SPTA1: variants seen among roughly 807,000 people sequenced by gnomAD.
SPTA1 encodes spectrin alpha, erythrocytic 1, also known as spectrin alpha chain, erythrocytic 1.
Under a neutral mutation model 324.7 loss-of-function variants are expected in SPTA1, and 177 were observed. That is an observed-to-expected ratio of 0.55 (90% CI 0.48 to 0.62). SPTA1 has a LOEUF of 0.62. Among genes scored for constraint, SPTA1 ranks in the 20% least tolerant of loss-of-function variants. The pLI, the probability that SPTA1 is intolerant of heterozygous loss-of-function variation, is 0.00. For missense variants in SPTA1, 3,162 were observed against 2,883.6 expected (o/e 1.10, Z -2.21); for synonymous variants, 1,195 against 1,041.3 (o/e 1.15, Z -2.84).
In SPTA1 at chr1:158,651,477, G is replaced by C; in HGVS notation, c.3376-9C>G. On this transcript the variant is annotated splice_polypyrimidine_tract_variant and intron_variant, in intron 23 of 51. Transcript: ENST00000643759. ...TCATTGGTATTCAAATCCTGAATGG[G>C]AAAATTCATCCAAAGCAGTGTAAAT... 1.9e-6 allele frequency: 3 copies of C among 1,578,960 alleles called. No homozygotes were observed. The highest frequency in any genetic ancestry group is 2.6e-6 in the Non-Finnish European group (3 of 1,148,510).
chr1:158,636,643 G>T lies in SPTA1; in HGVS notation c.5308C>A (p.Gln1770Lys), dbSNP rs773168610. The T allele has an allele frequency of 9.3e-6, 15 of 1,613,848 alleles. No individual in the cohort carries two copies. The highest frequency in any genetic ancestry group is 1.3e-5 in the Non-Finnish European group (15 of 1,179,942). ...CAGATCTGGTATTCTATTCCTACCT[G>T]GATGGCAGGCTCATGGGCCACCAGC... ...GELVAHEPAIQNVLDMAEKLK... is the reference protein window; with the variant it reads ...GELVAHEPAIKNVLDMAEKLK... Residue 1770 changes from glutamine (Q) to lysine (K), a missense_variant and splice_region_variant, in exon 37 of 52, where the codon CAG becomes AAG. Physicochemically the swap from Gln to Lys is moderately conservative, Grantham distance 53 (BLOSUM62 1). Coordinates refer to ENST00000643759, the MANE Select transcript of SPTA1 (RefSeq NM_003126.4).
At chr1:158,675,149 A>T (rs1337613192) in intron 8 of SPTA1, among the ~76,000 whole-genome samples, 1 of 152,184 alleles carries the variant, frequency 6.6e-6, no homozygotes, top group Non-Finnish European at 1.5e-5. Context: ...AAAAAGTTAA[A>T]TGCTCATCTT....
intron 43 of SPTA1, among the ~76,000 whole-genome samples, chr1:158,621,571 C>A (rs1248979236): frequency 6.6e-6 from 1 of 152,054 alleles, no homozygotes; most frequent in Non-Finnish European, 1.5e-5. Flanking sequence ...AAACAAAACT[C>A]ATTGTAGTTT....
intron 21 of SPTA1, 88 bp downstream of exon 21, chr1:158,654,523 A>G (rs1652686432): frequency 6.5e-7 from 1 of 1,543,288 alleles, no homozygotes; most frequent in Non-Finnish European, 8.9e-7. Flanking sequence ...TAAATGTTAG[A>G]TGGTAAAAAT....
intron 18 of SPTA1, 133 bp downstream of exon 18, chr1:158,661,154 T>A (rs996729367): frequency 3.6e-6 from 5 of 1,387,492 alleles, no homozygotes; most frequent in Non-Finnish European, 4.1e-6. Context: ...TTGTCAGAAA[T>A]GCCAAAAGAG....
intron 44 of SPTA1, 36 bp downstream of exon 44, chr1:158,620,134 G>C: frequency 6.2e-7 from 1 of 1,611,392 alleles, no homozygotes; most frequent in Non-Finnish European, 8.5e-7. Context: ...TATGTTCACT[G>C]TAGTGAAAGG....
At chr1:158,612,722 G>T in intron 51 of SPTA1, 95 bp downstream of exon 51, 1 of 1,384,746 alleles carries the variant, frequency 7.2e-7, no homozygotes, top group African/African-American at 1.4e-5. Context: ...AAAAAAACAA[G>T]TGGGTGGGTT....
intron 33 of SPTA1, 47 bp from the exon 34 acceptor site, chr1:158,640,054 G>A (rs1269434090): frequency 1.2e-6 from 2 of 1,613,314 alleles, no homozygotes; most frequent in East Asian, 2.2e-5. Context: ...AGGATCCCGG[G>A]CCCTGTGACT....
intron 29 of SPTA1, among the ~76,000 whole-genome samples, chr1:158,644,787 A>G (rs1485914695): frequency 2.0e-5 from 3 of 152,178 alleles, no homozygotes; most frequent in African/African-American, 7.2e-5. Flanking sequence ...TTTATTAATA[A>G]TCATCTCACT....
chr1:158,666,846 A>G (rs966468712), intron 15 of SPTA1, among the ~76,000 whole-genome samples: 3 of 152,074 alleles, frequency 2.0e-5, no homozygotes, highest in Non-Finnish European at 2.9e-5. Flanking sequence ...CAAACACTCT[A>G]TTTTCTAGGA....
Position 158,653,281 on chromosome 1 carries a change from C to A in SPTA1, c.3181G>T (p.Glu1061Ter). The part of the protein sequence containing the change: ...GNITQRQEQI[E>*]NQYRSLLDRA... Reference sequence around the variant, plus strand: ...CCAGGCTCCAGAACTTACTGGTTCTCAATCTGCTCCTGGCGCTGGGTGATG... The same window carrying A: ...CCAGGCTCCAGAACTTACTGGTTCTAAATCTGCTCCTGGCGCTGGGTGATG... The change falls in exon 22 of 52, where the codon GAG (glutamate) becomes TAG (stop). Residue 1061 changes from glutamate (E) to a stop codon, truncating the protein, a stop_gained. Transcript: ENST00000643759. LOFTEE classifies it high-confidence loss of function. 6.2e-7 allele frequency: 1 copy of A among 1,614,112 alleles called. No individual in the cohort carries two copies. Among genetic ancestry groups the A allele is most frequent in the South Asian group, 1.1e-5 (1 of 91,072 alleles).
intron 42 of SPTA1, among the ~76,000 whole-genome samples, chr1:158,625,169 C>CA (rs1425431341): frequency 6.6e-6 from 1 of 151,884 alleles, no homozygotes; most frequent in Non-Finnish European, 1.5e-5. Flanking sequence ...AAAAATGTTT[C>CA]AAAAAACCCT....
intron 10 of SPTA1, among the ~76,000 whole-genome samples, chr1:158,672,616 C>A (rs1654103283): frequency 6.6e-6 from 1 of 152,244 alleles, no homozygotes; most frequent in African/African-American, 2.4e-5. Flanking sequence ...TCAATGAAAT[C>A]CAAGTTCATA....
chr1:158,650,674 T>A (rs557209087), intron 24 of SPTA1, among the ~76,000 whole-genome samples: 1 of 152,314 alleles, frequency 6.6e-6, no homozygotes, highest in Admixed American at 6.5e-5. Flanking sequence ...ATTCATGTAA[T>A]TGAGAATTTC....
intron 16 of SPTA1, among the ~76,000 whole-genome samples, chr1:158,664,841 C>T (rs947295430): frequency 6.6e-6 from 1 of 152,186 alleles, no homozygotes; most frequent in East Asian, 1.9e-4. Flanking sequence ...AAACCTCTAA[C>T]GTAGTGCAGG....
chr1:158,623,173 AG>A lies in SPTA1; in HGVS notation c.5929del (p.Leu1977CysfsTer15). 6 of 1,614,176 alleles carry A rather than the reference AG, an allele frequency of 3.7e-6. No individual in the cohort carries two copies. The highest frequency in any genetic ancestry group is 5.1e-6 in the Non-Finnish European group (6 of 1,180,026). On this transcript the variant is annotated frameshift_variant, in exon 43 of 52. Coordinates refer to ENST00000643759, the MANE Select transcript of SPTA1 (RefSeq NM_003126.4). LOFTEE classifies it high-confidence loss of function. The stretch of plus-strand genomic sequence containing the variant: ...AAGTCTCTCTTGCTGGAAACTCTGC[AG>A]ACTGGCATCCAGAGTGTCCTGAGAA... ...LAKQDTLDAS[L>X]QSFQQERLPE...
Position 158,635,514 on chromosome 1 carries a change from A to G in SPTA1, c.5432+399T>C, listed in dbSNP as rs114347216. Among the ~76,000 whole-genome samples, 825 of 152,260 alleles carry G rather than the reference A, an allele frequency of 5.4e-3. 10 individuals carry two copies. Among genetic ancestry groups the G allele is most frequent in the African/African-American group, 0.019 (778 of 41,542 alleles). On this transcript the variant is annotated intron_variant, in intron 38 of 51. Transcript: ENST00000643759. ...GTGAGAACGGACTGATACATTGTGT[A>G]TGTGGTTCAAATTGGCTATATGGCT...
intron 12 of SPTA1, 94 bp downstream of exon 12, chr1:158,671,249 T>C: frequency 1.2e-6 from 1 of 836,612 alleles, no homozygotes; most frequent in East Asian, 2.6e-5. Flanking sequence ...CTATGTCTGG[T>C]AGTTACAGGA....
intron 42 of SPTA1, among the ~76,000 whole-genome samples, chr1:158,624,626 A>C (rs374463205): frequency 3.9e-5 from 6 of 152,212 alleles, no homozygotes; most frequent in Non-Finnish European, 8.8e-5. Flanking sequence ...AGACAATCTC[A>C]TGGAGCTAAA....
Sources: gnomAD v4.1 joint callset for allele counts (sites outside exome capture counted in the v4.1 genomes callset) on GRCh38, gnomAD v4.1.1 for gene constraint, MANE v1.5 for transcripts, NCBI Gene and HGNC (gene_info 2026-07-23, HGNC 2026-07-21) for gene names.